The following IQCM variants were observed in gnomAD, a reference collection of about 807,000 sequenced individuals.
IQCM encodes IQ domain-containing protein M.
Under a neutral mutation model 57.6 loss-of-function variants are expected in IQCM, and 45 were observed. The observed-to-expected ratio is 0.78, with a 90% confidence interval of 0.62 to 1.00. IQCM has a LOEUF of 1.00. Ranked by LOEUF, IQCM falls within the 50% of genes least tolerant of loss-of-function variation. The pLI is 0.00. For missense variants in IQCM, 468 were observed against 511.6 expected, an observed-to-expected ratio of 0.91 and a Z score of 0.82; for synonymous variants, 148 against 158.9, an observed-to-expected ratio of 0.93 and a Z score of 0.51.
intron 6 of IQCM, among the ~76,000 whole-genome samples, chr4:149,684,714 T>C (rs1762430097): frequency 6.6e-6 from 1 of 151,492 alleles, no homozygotes; most frequent in African/African-American, 2.4e-5. Context: ...ATTTGTCTAG[T>C]TAAGCACAGG....
intron 5 of IQCM, among the ~76,000 whole-genome samples, chr4:149,695,927 C>T (rs1171154745): frequency 2.0e-5 from 3 of 152,020 alleles, no homozygotes; most frequent in Admixed American, 1.3e-4. Context: ...AAGGTTTGGG[C>T]TAAATAGTAA....
At chr4:149,502,164 A>G (rs945069598) in intron 12 of IQCM, among the ~76,000 whole-genome samples, 3 of 151,894 alleles carry the variant, frequency 2.0e-5, no homozygotes, top group African/African-American at 7.2e-5. Flanking sequence ...ACACACACAC[A>G]CACACACATA....
chr4:149,771,876 C>T (rs1580257360), intron 2 of IQCM, among the ~76,000 whole-genome samples: 1 of 152,062 alleles, frequency 6.6e-6, no homozygotes, highest in East Asian at 1.9e-4. Context: ...AAGGGGTAAA[C>T]ATTGGAAGAC....
At chr4:149,611,485 T>C (rs185360724) in intron 8 of IQCM, among the ~76,000 whole-genome samples, 31 of 152,214 alleles carry the variant, frequency 2.0e-4, no homozygotes, top group Admixed American at 1.2e-3. Flanking sequence ...ATATACACAA[T>C]AGAATATTAT....
intron 7 of IQCM, among the ~76,000 whole-genome samples, chr4:149,635,752 C>G (rs547523968): frequency 6.6e-6 from 1 of 152,180 alleles, no homozygotes; most frequent in African/African-American, 2.4e-5. Flanking sequence ...AACTGAAACT[C>G]AGAATATATT....
intron 9 of IQCM, among the ~76,000 whole-genome samples, chr4:149,575,304 G>A (rs1751526142): frequency 6.6e-6 from 1 of 151,796 alleles, no homozygotes; most frequent in Non-Finnish European, 1.5e-5. Flanking sequence ...ATTTTTAAGG[G>A]GAGGGATGTA....
intron 12 of IQCM, among the ~76,000 whole-genome samples, chr4:149,463,633 T>C (rs1264320461): frequency 2.6e-5 from 4 of 152,182 alleles, no homozygotes; most frequent in African/African-American, 9.6e-5. Flanking sequence ...AAATTAAAAG[T>C]CCCTAAATAG....
chr4:149,439,291 A>T (rs1038095762), intron 12 of IQCM, among the ~76,000 whole-genome samples: 3 of 152,090 alleles, frequency 2.0e-5, no homozygotes, highest in African/African-American at 7.2e-5. Context: ...CTAACATTTT[A>T]ACTTTATTTT....
chr4:149,809,364 T>C (rs2150064525), intron 2 of IQCM, among the ~76,000 whole-genome samples: 1 of 152,294 alleles, frequency 6.6e-6, no homozygotes, highest in East Asian at 1.9e-4. Context: ...ATACAAATAC[T>C]TCCCAAAAAT....
chr4:149,587,971 C>T lies in IQCM; in HGVS notation c.708G>A (p.Lys236=), dbSNP rs1752790492. 10 of 1,225,544 alleles carry T rather than the reference C, an allele frequency of 8.2e-6. No homozygotes were observed. The highest frequency in any genetic ancestry group is 3.1e-4 in the Middle Eastern group (1 of 3,180). 75.9% of individuals were successfully genotyped at this position (1,225,544 alleles called of 1,614,324 possible). A position where few individuals can be genotyped will look rare whatever the true frequency, so the allele number is the denominator to read the frequency against. ...YSKTFKTLIK[K]ERQPIKPEPK... is the part of the protein sequence containing the mutation. ...GTTCTGGCTTGATAGGTTGTCGCTC[C>T]TTTTTAATAAGGGTTTTAAAGGTTT... Residue 236 remains lysine (K), a synonymous_variant, in exon 9 of 14, where the codon AAG becomes AAA. Coordinates refer to ENST00000636793, the MANE Select transcript of IQCM (RefSeq NM_001363507.2).
intron 12 of IQCM, among the ~76,000 whole-genome samples, chr4:149,482,497 G>T (rs1460786387): frequency 1.3e-5 from 2 of 151,940 alleles, no homozygotes; most frequent in East Asian, 3.9e-4. Context: ...AAGGGATGTT[G>T]AATTTTATGA....
At chr4:149,542,503 T>C (rs2149879630) in intron 12 of IQCM, among the ~76,000 whole-genome samples, 1 of 152,152 alleles carries the variant, frequency 6.6e-6, no homozygotes, top group Non-Finnish European at 1.5e-5. Context: ...AAGTTCCAGC[T>C]CTATCAATGA....
At chr4:149,681,542 G>C (rs77129580) in intron 7 of IQCM, among the ~76,000 whole-genome samples, 3,407 of 151,206 alleles carry the variant, frequency 0.023, 99 homozygotes, top group South Asian at 0.14. Context: ...ATATGCAAAA[G>C]TGCCTTGAGA....
intron 12 of IQCM, among the ~76,000 whole-genome samples, chr4:149,489,014 C>A (rs958201095): frequency 6.6e-6 from 1 of 152,136 alleles, no homozygotes; most frequent in Admixed American, 6.6e-5. Context: ...AAAGTCCCAT[C>A]TAGCTAAAAG....
chr4:149,400,618 G>A (rs951781494), intron 13 of IQCM, among the ~76,000 whole-genome samples: 8 of 151,892 alleles, frequency 5.3e-5, no homozygotes, highest in African/African-American at 1.2e-4. Flanking sequence ...TCAGAAAAAC[G>A]AATGACAGGT....
chr4:149,567,216 G>A (rs991637807), intron 9 of IQCM, among the ~76,000 whole-genome samples: 1 of 152,022 alleles, frequency 6.6e-6, no homozygotes, highest in Non-Finnish European at 1.5e-5. Context: ...AACATTGAAA[G>A]TTACTTAGTT....
At chr4:149,353,011 T>C (rs1449382062) in intron 13 of IQCM, among the ~76,000 whole-genome samples, 1 of 152,166 alleles carries the variant, frequency 6.6e-6, no homozygotes, top group African/African-American at 2.4e-5. Context: ...ATTAATGACT[T>C]GAGGTGTTAT....
At chr4:149,587,085 T>C (rs1270255238) in intron 9 of IQCM, among the ~76,000 whole-genome samples, 2 of 151,734 alleles carry the variant, frequency 1.3e-5, no homozygotes, top group East Asian at 3.9e-4. Flanking sequence ...AATCAACTTT[T>C]AGTCATTTTG....
At chr4:149,648,628 A>G (rs1040751703) in intron 7 of IQCM, among the ~76,000 whole-genome samples, 2 of 152,210 alleles carry the variant, frequency 1.3e-5, no homozygotes, top group African/African-American at 4.8e-5. Flanking sequence ...ACTGACTTCC[A>G]CAATGGTTGA....
Sources: allele counts gnomAD v4.1 joint callset (sites outside exome capture counted in the v4.1 genomes callset), GRCh38; gene constraint gnomAD v4.1.1; transcripts MANE v1.5; gene names NCBI Gene and HGNC (gene_info 2026-07-23, HGNC 2026-07-21).